The following RFX4 variants were observed in gnomAD, a reference collection of about 807,000 sequenced individuals.
RFX4 encodes the protein transcription factor RFX4.
RFX4 carries 10 observed loss-of-function variants against 95.0 expected under a neutral mutation model. The ratio of observed to expected loss-of-function variants is 0.11; its 90% confidence interval spans 0.06 to 0.18. RFX4 has a LOEUF of 0.18. Among genes scored for constraint, RFX4 ranks in the 10% least tolerant of loss-of-function variants. The probability of loss-of-function intolerance (pLI) is 1.00; values close to 1 mark genes in which losing one functional copy is unlikely to be tolerated. For synonymous variants in RFX4, 321 were observed against 340.7 expected, an observed-to-expected ratio of 0.94 and a Z score of 0.64; for missense variants, 640 against 922.0, an observed-to-expected ratio of 0.69 and a Z score of 3.96.
intron 15 of RFX4, among the ~76,000 whole-genome samples, chr12:106,735,411 A>T (rs955800014): frequency 2.0e-5 from 3 of 152,154 alleles, no homozygotes; most frequent in African/African-American, 7.2e-5. Flanking sequence ...AAGGCTTTTT[A>T]GACCAAAAGC....
chr12:106,710,007 T>C (rs577193112), intron 9 of RFX4, among the ~76,000 whole-genome samples: 42 of 152,340 alleles, frequency 2.8e-4, no homozygotes, highest in Admixed American at 2.4e-3. Context: ...GGATTGAGAC[T>C]GTGAACCTTT....
intron 17 of RFX4, among the ~76,000 whole-genome samples, chr12:106,754,615 A>C (rs2043076047): frequency 6.6e-6 from 1 of 152,232 alleles, no homozygotes; most frequent in African/African-American, 2.4e-5. Context: ...CCATAAAAAG[A>C]AGCCAAGGTC....
At chr12:106,729,654 G>C (rs2042573249) in intron 13 of RFX4, among the ~76,000 whole-genome samples, 1 of 152,158 alleles carries the variant, frequency 6.6e-6, no homozygotes, top group East Asian at 1.9e-4. Flanking sequence ...GTTGTGATGA[G>C]GATTAAATGC....
intron 16 of RFX4, among the ~76,000 whole-genome samples, chr12:106,749,145 AC>A (rs1162864237): frequency 1.1e-4 from 16 of 151,328 alleles, no homozygotes; most frequent in Non-Finnish European, 2.1e-4. Context: ...AGCCCCAGCT[AC>A]TCAGGAGACT....
At chr12:106,704,217 C>T (rs532959480) in intron 8 of RFX4, among the ~76,000 whole-genome samples, 8 of 152,062 alleles carry the variant, frequency 5.3e-5, no homozygotes, top group Non-Finnish European at 5.9e-5. Context: ...CTACAATGTG[C>T]TAGGGACTAT....
Position 106,586,371 on chromosome 12 carries a change from G to T in RFX4, c.43+3008G>T, listed in dbSNP as rs1252091395. On this transcript the variant is annotated intron_variant, in intron 1 of 17. Transcript: ENST00000392842. The surrounding 1 kb of genome is among the most constrained non-coding windows in gnomAD (Gnocchi z 5.6). Reference sequence around the variant, plus strand: ...TTTGTGGCCGCCGGGTCCAATCAGGGCTGCTCTGCCCGGGTGATCGTTGCT... The same window carrying T: ...TTTGTGGCCGCCGGGTCCAATCAGGTCTGCTCTGCCCGGGTGATCGTTGCT... 3.9e-5 allele frequency among the ~76,000 whole-genome samples: 6 copies of T among 152,162 alleles called. No individual in the cohort carries two copies. Among genetic ancestry groups the T allele is most frequent in the Admixed American group, 3.3e-4 (5 of 15,280 alleles).
intron 15 of RFX4, among the ~76,000 whole-genome samples, chr12:106,744,461 G>A (rs1162552661): frequency 1.3e-5 from 2 of 152,138 alleles, no homozygotes; most frequent in Non-Finnish European, 2.9e-5. Flanking sequence ...TCTGAAATGA[G>A]AAATACAGAA....
chr12:106,586,208 C>A lies in RFX4; in HGVS notation c.43+2845C>A, dbSNP rs1226317056. ...GCGCGCGCAGGGGCAGTCGACGCAC[C>A]TTCTGGCCGGTGCGCGGTTTGCAGT... On this transcript the variant is annotated intron_variant, in intron 1 of 17. Coordinates refer to ENST00000392842, the MANE Select transcript of RFX4 (RefSeq NM_213594.3). The surrounding 1 kb of genome is among the most constrained non-coding windows in gnomAD (Gnocchi z 5.6). 6.6e-6 allele frequency among the ~76,000 whole-genome samples: 1 copy of A among 152,088 alleles called. No homozygotes were observed. The highest frequency in any genetic ancestry group is 2.4e-5 in the African/African-American group (1 of 41,432).
Position 106,719,947 on chromosome 12 carries a change from CTTTG to C in RFX4, c.1139-8_1139-5del. Reference sequence around the variant, plus strand: ...CTGCAGTGATGCGTGTGGGGTTCTCCTTTGTTTGACAGTATATCAGGAGTTTGAC... The same window carrying C: ...CTGCAGTGATGCGTGTGGGGTTCTCCTTTGACAGTATATCAGGAGTTTGAC... On this transcript the variant is annotated splice_polypyrimidine_tract_variant and intron_variant, in intron 11 of 17. Transcript: ENST00000392842. 1 of 1,610,206 alleles carries C rather than the reference CTTTG, an allele frequency of 6.2e-7. No homozygotes were observed. Among genetic ancestry groups the C allele is most frequent in the South Asian group, 1.1e-5 (1 of 90,990 alleles).
At chr12:106,657,262 T>G (rs2040978492) in intron 4 of RFX4, among the ~76,000 whole-genome samples, 1 of 152,222 alleles carries the variant, frequency 6.6e-6, no homozygotes, top group Non-Finnish European at 1.5e-5. Flanking sequence ...CAGGCGAGGT[T>G]TAATATTTCA....
chr12:106,691,715 G>A (rs1180310004), intron 7 of RFX4, among the ~76,000 whole-genome samples: 1 of 152,100 alleles, frequency 6.6e-6, no homozygotes, highest in African/African-American at 2.4e-5. Flanking sequence ...GCTTTTGAGG[G>A]CAGGAAGCTC....
At chr12:106,632,665 CT>C (rs2040438851) in intron 2 of RFX4, among the ~76,000 whole-genome samples, 1 of 152,146 alleles carries the variant, frequency 6.6e-6, no homozygotes, top group African/African-American at 2.4e-5. Context: ...TTTGGGGTTT[CT>C]TTTTGTTTTG....
chr12:106,630,858 T>C (rs977337865), intron 2 of RFX4, among the ~76,000 whole-genome samples: 2 of 152,212 alleles, frequency 1.3e-5, no homozygotes, highest in Non-Finnish European at 2.9e-5. Context: ...ATGAGGCAGA[T>C]AATAACTTCT....
chr12:106,737,352 G>T (rs1592999969), intron 15 of RFX4, among the ~76,000 whole-genome samples: 1 of 151,762 alleles, frequency 6.6e-6, no homozygotes, highest in Non-Finnish European at 1.5e-5. Context: ...GCAAACAATA[G>T]AAGTGTGGTC....
chr12:106,682,076 C>T, intron 5 of RFX4, 22 bp downstream of exon 5: 2 of 1,613,706 alleles, frequency 1.2e-6, no homozygotes, highest in Non-Finnish European at 1.7e-6. Flanking sequence ...ACGGCCATTC[C>T]ACCTGCAGAG....
At chr12:106,673,737 A>G (rs1305261848) in intron 4 of RFX4, among the ~76,000 whole-genome samples, 4 of 152,252 alleles carry the variant, frequency 2.6e-5, no homozygotes, top group Admixed American at 2.6e-4. Context: ...GATATTGCTT[A>G]TAGCATTATT....
chr12:106,744,828 T>G (rs1165465143), intron 15 of RFX4, among the ~76,000 whole-genome samples: 5 of 152,214 alleles, frequency 3.3e-5, no homozygotes, highest in Admixed American at 6.5e-5. Context: ...TTCCTTGAAC[T>G]GGACTTTTGT....
intron 1 of RFX4, among the ~76,000 whole-genome samples, chr12:106,587,453 G>T (rs1031975078): frequency 2.0e-5 from 3 of 152,196 alleles, no homozygotes; most frequent in African/African-American, 7.2e-5. Context: ...ACAACAAAGG[G>T]CCCAGTGCGA....
intron 13 of RFX4, among the ~76,000 whole-genome samples, chr12:106,727,914 C>A (rs1311018245): frequency 6.6e-6 from 1 of 152,152 alleles, no homozygotes; most frequent in African/African-American, 2.4e-5. Flanking sequence ...CCACCGCGCC[C>A]GGCCCTGAAT....
Sources: allele counts gnomAD v4.1 joint callset (sites outside exome capture counted in the v4.1 genomes callset), GRCh38; gene constraint gnomAD v4.1.1; non-coding constraint Gnocchi (gnomAD v3.1); transcripts MANE v1.5; gene names NCBI Gene and HGNC (gene_info 2026-07-23, HGNC 2026-07-21).